The following NCALD variants were observed in gnomAD, a reference collection of about 807,000 sequenced individuals.
NCALD encodes the protein neurocalcin-delta.
A neutral mutation model predicts 18.6 loss-of-function variants in NCALD; 10 were observed. The observed-to-expected ratio is 0.54, with a 90% CI of 0.33 to 0.91. NCALD has a LOEUF of 0.91. NCALD is among the 40% of genes least tolerant of loss of function. NCALD has a pLI of 0.03. For missense variants in NCALD, 184 were observed against 247.6 expected, an observed-to-expected ratio of 0.74 and a Z score of 1.72; for synonymous variants, 88 against 87.4, an observed-to-expected ratio of 1.01 and a Z score of -0.04.
intron 1 of NCALD, among the ~76,000 whole-genome samples, chr8:101,754,113 G>T (rs1810774956): frequency 6.6e-6 from 1 of 152,064 alleles, no homozygotes; most frequent in South Asian, 2.1e-4. Flanking sequence ...TGTGTCGACA[G>T]GTACCACTCT....
intron 4 of NCALD, among the ~76,000 whole-genome samples, chr8:101,826,464 T>A (rs991949051): frequency 2.6e-5 from 4 of 152,194 alleles, no homozygotes; most frequent in Non-Finnish European, 5.9e-5. Context: ...TAAGATTGAC[T>A]TTGGAGTCAC....
rs149947991 is a variant in NCALD, at chr8:101,978,284, G to A, written c.-157+41953C>T. Among the ~76,000 whole-genome samples, 165 of 152,236 alleles carry A rather than the reference G, an allele frequency of 1.1e-3. 1 individual carries two copies. The highest frequency in any genetic ancestry group is 3.4e-3 in the Middle Eastern group (1 of 294). ...TTAGTTAAGCAAATGGCAATTAAGA[G>A]CACTTGTATCATAATCAAGGTCGAA... On this transcript the variant is annotated intron_variant, in intron 2 of 6. Transcript: ENST00000311028.
chr8:101,724,327 A>G (rs755666319), intron 1 of NCALD, among the ~76,000 whole-genome samples: 23 of 152,234 alleles, frequency 1.5e-4, no homozygotes, highest in Non-Finnish European at 3.4e-4. Context: ...GACTCAAAAA[A>G]GTTTGTAGAT....
chr8:102,004,816 T>G (rs1220330053), intron 2 of NCALD, among the ~76,000 whole-genome samples: 1 of 152,144 alleles, frequency 6.6e-6, no homozygotes, highest in Non-Finnish European at 1.5e-5. Context: ...CTGGGAAAAC[T>G]GGCTAGCCAT....
chr8:101,783,616 CAA>C (rs972516240), intron 1 of NCALD, among the ~76,000 whole-genome samples: 4 of 152,110 alleles, frequency 2.6e-5, no homozygotes, highest in African/African-American at 9.7e-5. Context: ...GAGAGGGAGA[CAA>C]AGTGGACAAG....
chr8:102,063,738 G>A (rs1230753292), intron 1 of NCALD, among the ~76,000 whole-genome samples: 1 of 152,146 alleles, frequency 6.6e-6, no homozygotes, highest in Non-Finnish European at 1.5e-5. Context: ...TCATTTCATA[G>A]GGTGGACAGC....
In NCALD at chr8:101,897,629, A is replaced by G. The variant is rs190681298; in HGVS notation, c.-106-10402T>C. On this transcript the variant is annotated intron_variant, in intron 3 of 6. Coordinates refer to the NCALD transcript ENST00000311028. ...AAAGCTGCTAGGAACAATTATGTACAGGCTTTGTGTAGATAAAGTTTTCAC... is the reference window on the plus strand; with the variant it reads ...AAAGCTGCTAGGAACAATTATGTACGGGCTTTGTGTAGATAAAGTTTTCAC... Among the ~76,000 whole-genome samples, 394 of 152,330 alleles carry G rather than the reference A, an allele frequency of 2.6e-3. 2 individuals carry two copies. The highest frequency in any genetic ancestry group is 4.1e-3 in the Non-Finnish European group (282 of 68,012).
intron 2 of NCALD, among the ~76,000 whole-genome samples, chr8:101,992,756 G>A (rs1411097233): frequency 6.6e-6 from 1 of 152,044 alleles, no homozygotes; most frequent in Non-Finnish European, 1.5e-5. Context: ...GGCACCCCTG[G>A]GAGCTGTGCA....
chr8:102,107,021 G>A (rs893624568), intron 1 of NCALD, among the ~76,000 whole-genome samples: 1 of 151,350 alleles, frequency 6.6e-6, no homozygotes, highest in Non-Finnish European at 1.5e-5. Context: ...ACATAAGTAA[G>A]TTCACAGACT....
intron 1 of NCALD, among the ~76,000 whole-genome samples, chr8:101,762,730 C>T (rs559172167): frequency 4.6e-5 from 7 of 152,062 alleles, no homozygotes; most frequent in Admixed American, 2.6e-4. Flanking sequence ...CTTGCCACCA[C>T]GCCTGGCTAA....
intron 4 of NCALD, among the ~76,000 whole-genome samples, chr8:101,833,612 T>G (rs1814280043): frequency 1.5e-5 from 1 of 66,550 alleles, no homozygotes; most frequent in East Asian, 3.6e-4. Context: ...TGTTTCTTGT[T>G]TTTTTTTTTT....
chr8:101,709,909 G>A (rs1288895817), intron 2 of NCALD, among the ~76,000 whole-genome samples: 1 of 152,222 alleles, frequency 6.6e-6, no homozygotes, highest in Non-Finnish European at 1.5e-5. Flanking sequence ...GATTTTTGAT[G>A]TGATAATAAA....
At chr8:102,050,939 T>G (rs1823436136) in intron 1 of NCALD, among the ~76,000 whole-genome samples, 1 of 147,626 alleles carries the variant, frequency 6.8e-6, no homozygotes, top group African/African-American at 2.5e-5. Context: ...ATAAATAAAT[T>G]TTTGTATATA....
intron 1 of NCALD, among the ~76,000 whole-genome samples, chr8:102,104,115 G>C (rs558089974): frequency 6.6e-6 from 1 of 152,188 alleles, no homozygotes; most frequent in African/African-American, 2.4e-5. Context: ...AGACTTGCTG[G>C]TTTAACCTCC....
chr8:101,887,559 T>C (rs757303409), intron 3 of NCALD, among the ~76,000 whole-genome samples: 2 of 152,036 alleles, frequency 1.3e-5, no homozygotes, highest in Non-Finnish European at 2.9e-5. Flanking sequence ...TCAGGCCTTA[T>C]GGTCTTAATT....
chr8:101,973,736 A>G (rs1248993327), intron 2 of NCALD, among the ~76,000 whole-genome samples: 1 of 152,224 alleles, frequency 6.6e-6, no homozygotes, highest in African/African-American at 2.4e-5. Context: ...AGAGTGGACC[A>G]TGAGACCACA....
At chr8:101,965,116 A>T (rs984812310) in intron 2 of NCALD, among the ~76,000 whole-genome samples, 1 of 152,198 alleles carries the variant, frequency 6.6e-6, no homozygotes, top group Admixed American at 6.5e-5. Flanking sequence ...AATAAACAAC[A>T]GATGCTGGAG....
chr8:101,723,470 T>C (rs1206303339), intron 1 of NCALD, among the ~76,000 whole-genome samples: 3 of 152,186 alleles, frequency 2.0e-5, no homozygotes, highest in African/African-American at 4.8e-5. Context: ...TTTCTAAAGT[T>C]CCTATGAAGA....
rs74687970 is a variant in NCALD at position 101,780,530 on chromosome 8, A to G, written c.-20+10332T>C. ...AAATTCCCTCAAAATGTCCCTGTTT[A>G]AAAACAGAAGAACAGTGGTTGGCAG... On this transcript the variant is annotated intron_variant, in intron 1 of 3. Transcript: ENST00000220931. Among the ~76,000 whole-genome samples, 1,099 of 152,302 alleles carry G rather than the reference A, an allele frequency of 7.2e-3. 8 individuals carry two copies. The highest frequency in any genetic ancestry group is 0.041 in the Middle Eastern group (12 of 294).
Sources: gnomAD v4.1 joint callset for allele counts (sites outside exome capture counted in the v4.1 genomes callset) on GRCh38, gnomAD v4.1.1 for gene constraint, MANE v1.5 for transcripts, NCBI Gene and HGNC (gene_info 2026-07-23, HGNC 2026-07-21) for gene names.